The following PCDHGB7 variants were observed in gnomAD, a reference collection of about 807,000 sequenced individuals.
PCDHGB7 encodes protocadherin gamma-B7.
In PCDHGB7, 37 loss-of-function variants were observed where a neutral mutation model predicts 61.4. The observed-to-expected ratio is 0.60, with a 90% CI of 0.46 to 0.79. The LOEUF (loss-of-function observed/expected upper bound fraction) is 0.79, where lower values mean the gene tolerates loss of function less well. PCDHGB7 is among the 30% of genes least tolerant of loss of function. PCDHGB7 has a pLI of 0.00. For synonymous variants in PCDHGB7, 464 were observed against 503.5 expected (o/e 0.92, Z 1.05); for missense variants, 1,166 against 1,202.5 (o/e 0.97, Z 0.45).
rs2233605 is a variant in PCDHGB7 at position 141,490,412 on chromosome 5, C to A, written c.2416-4395C>A. ...GGTGAAGTGAGCCTTGATATCTCTC[C>A]GGACCTGCCATTTCAGATTAAGCCT... On this transcript the variant is annotated intron_variant, in intron 1 of 3. Transcript: ENST00000398594. This position sits in a 1 kb window ranked among gnomAD's most constrained non-coding sequence, Gnocchi z 5.4. 1.3e-4 allele frequency: 203 copies of A among 1,614,064 alleles called. 1 individual carries two copies. The highest frequency in any genetic ancestry group is 3.5e-4 in the South Asian group (32 of 91,086).
intron 3 of PCDHGB7, among the ~76,000 whole-genome samples, chr5:141,505,697 C>T (rs540949327): frequency 1.4e-4 from 21 of 152,198 alleles, no homozygotes; most frequent in Admixed American, 7.2e-4. Context: ...TGGAGGAGAG[C>T]GAACAAGGAA....
intron 1 of PCDHGB7, chr5:141,441,387 G>A (rs2098243952): frequency 6.5e-6 from 1 of 153,712 alleles, no homozygotes; most frequent in Non-Finnish European, 1.5e-5. Flanking sequence ...CAGACCCAAG[G>A]TATAACATCA....
intron 1 of PCDHGB7, among the ~76,000 whole-genome samples, chr5:141,460,801 ATATGTATG>A (rs2098998171): frequency 6.6e-6 from 1 of 152,010 alleles, no homozygotes; most frequent in Non-Finnish European, 1.5e-5. Context: ...CAAAGTATAT[ATATGTATG>A]TATACATATA....
At chr5:141,421,633 G>A (rs1369645749) in intron 1 of PCDHGB7, 3 of 1,613,834 alleles carry the variant, frequency 1.9e-6, no homozygotes, top group Non-Finnish European at 2.5e-6. Context: ...CAGCTTCCAG[G>A]AGGACGAAGT....
rs753872678 is a variant in PCDHGB7, at chr5:141,431,407, C to G, written c.2415+11133C>G. 4 of 1,613,716 alleles carry G rather than the reference C, an allele frequency of 2.5e-6. No individual in the cohort carries two copies. Among genetic ancestry groups the G allele is most frequent in the Non-Finnish European group, 3.4e-6 (4 of 1,180,048 alleles). The stretch of plus-strand genomic sequence containing the variant: ...ACCACCTGGTCCTTACGGCCTCCGA[C>G]GGGGGCGACCCGGTGCGCACAGGCA... On this transcript the variant is annotated intron_variant, in intron 1 of 3. Coordinates refer to ENST00000398594, the MANE Select transcript of PCDHGB7 (RefSeq NM_018927.4). This position sits in a 1 kb window ranked among gnomAD's most constrained non-coding sequence, Gnocchi z 4.8.
At position 141,491,267 on chromosome 5, in the gene PCDHGB7, A is replaced by C. The variant is rs1376540913; in HGVS notation, c.2416-3540A>C. ...GATGAGGACCCTGAGGAAATGCCCA[A>C]ATCCAGTGACTTCCTCATACACCCT... On this transcript the variant is annotated intron_variant, in intron 1 of 3. Coordinates refer to ENST00000398594, the MANE Select transcript of PCDHGB7 (RefSeq NM_018927.4). This position sits in a 1 kb window ranked among gnomAD's most constrained non-coding sequence, Gnocchi z 6.9. The C allele has an allele frequency of 2.5e-6, 4 of 1,613,944 alleles. No individual in the cohort carries two copies. The highest frequency in any genetic ancestry group is 3.4e-6 in the Non-Finnish European group (4 of 1,179,936).
chr5:141,494,661 G>A, intron 1 of PCDHGB7, 146 bp from the exon 2 acceptor site: 2 of 1,492,976 alleles, frequency 1.3e-6, no homozygotes, highest in Non-Finnish European at 1.8e-6. Context: ...TTTGTCTTTG[G>A]AGATGAGTCC....
chr5:141,499,725 C>T (rs554409998), intron 2 of PCDHGB7, among the ~76,000 whole-genome samples: 3 of 138,474 alleles, frequency 2.2e-5, no homozygotes, highest in African/African-American at 5.4e-5. Context: ...GACAGAGTCT[C>T]ACTCTCTTGC....
rs768847018 is a variant in PCDHGB7 at position 141,431,426 on chromosome 5, A to C, written c.2415+11152A>C. On this transcript the variant is annotated intron_variant, in intron 1 of 3. Transcript: ENST00000398594. The surrounding 1 kb of genome is among the most constrained non-coding windows in gnomAD (Gnocchi z 4.8). ...CTCCGACGGGGGCGACCCGGTGCGCACAGGCACCGCGCGCATCCGCGTGAT... is the reference window on the plus strand; with the variant it reads ...CTCCGACGGGGGCGACCCGGTGCGCCCAGGCACCGCGCGCATCCGCGTGAT... 6.2e-7 allele frequency: 1 copy of C among 1,613,666 alleles called. No individual in the cohort carries two copies. The highest frequency in any genetic ancestry group is 1.1e-5 in the South Asian group (1 of 91,078).
chr5:141,496,839 A>G (rs2099771783), intron 2 of PCDHGB7, among the ~76,000 whole-genome samples: 1 of 151,484 alleles, frequency 6.6e-6, no homozygotes. Flanking sequence ...CAGAACTCAT[A>G]GGCTTCCAGA....
In PCDHGB7 at chr5:141,432,654, T is replaced by C. The variant is rs2097525297; in HGVS notation, c.2415+12380T>C. ...GGCGAGGTGCGCACGGCGCGAGCCC[T>C]GCTGGACAGAGACGCGCTCAAGCAG... is the stretch of plus-strand genomic sequence containing the variant. On this transcript the variant is annotated intron_variant, in intron 1 of 3. Transcript: ENST00000398594. This position sits in a 1 kb window ranked among gnomAD's most constrained non-coding sequence, Gnocchi z 6.0. The C allele has an allele frequency of 1.2e-6, 2 of 1,613,816 alleles. No homozygotes were observed. Among genetic ancestry groups the C allele is most frequent in the African/African-American group, 1.3e-5 (1 of 75,034 alleles).
rs1235728365 is a variant in PCDHGB7 at position 141,485,502 on chromosome 5, C to T, written c.2416-9305C>T. ...TGCATCGTGCCCCTGGAGTTTGTCACCGAAGGTCCTTTGGAAATGTACCGA... is the reference window on the plus strand; with the variant it reads ...TGCATCGTGCCCCTGGAGTTTGTCATCGAAGGTCCTTTGGAAATGTACCGA... On this transcript the variant is annotated intron_variant, in intron 1 of 3. Transcript: ENST00000398594. This position sits in a 1 kb window ranked among gnomAD's most constrained non-coding sequence, Gnocchi z 5.7. 2 of 1,614,114 alleles carry T rather than the reference C, an allele frequency of 1.2e-6. No homozygotes were observed. Among genetic ancestry groups the T allele is most frequent in the Non-Finnish European group, 8.5e-7 (1 of 1,180,044 alleles).
At chr5:141,452,281 T>G (rs948141174) in intron 1 of PCDHGB7, among the ~76,000 whole-genome samples, 2 of 152,232 alleles carry the variant, frequency 1.3e-5, no homozygotes, top group Non-Finnish European at 2.9e-5. Flanking sequence ...CCTTTCTTAC[T>G]TTCTGATATA....
At chr5:141,456,057 C>T (rs2098842079) in intron 1 of PCDHGB7, among the ~76,000 whole-genome samples, 1 of 151,914 alleles carries the variant, frequency 6.6e-6, no homozygotes, top group South Asian at 2.1e-4. Context: ...ACCACCACGT[C>T]CGGCTAATTT....
Position 141,485,633 on chromosome 5 carries a change from T to C in PCDHGB7, c.2416-9174T>C. 2 of 1,611,808 alleles carry C rather than the reference T, an allele frequency of 1.2e-6. No homozygotes were observed. Among genetic ancestry groups the C allele is most frequent in the South Asian group, 1.1e-5 (1 of 90,962 alleles). On this transcript the variant is annotated intron_variant, in intron 1 of 3. Coordinates refer to ENST00000398594, the MANE Select transcript of PCDHGB7 (RefSeq NM_018927.4). The surrounding 1 kb of genome is among the most constrained non-coding windows in gnomAD (Gnocchi z 5.7). Reference sequence around the variant, plus strand: ...AGCTCCTCCAGGACAGCGTTTCCCGTTGGAAAAGGCTCAGGATGCAGATGT... The same window carrying C: ...AGCTCCTCCAGGACAGCGTTTCCCGCTGGAAAAGGCTCAGGATGCAGATGT...
Position 141,485,713 on chromosome 5 carries a change from G to T in PCDHGB7, c.2416-9094G>T. On this transcript the variant is annotated intron_variant, in intron 1 of 3. Transcript: ENST00000398594. The surrounding 1 kb of genome is among the most constrained non-coding windows in gnomAD (Gnocchi z 5.7). ...TGAGCTCCAATGAACACTTTGCACT[G>T]GATGTGAAGAAGCGCAGCGACGGCA... 1 of 1,614,202 alleles carries T rather than the reference G, an allele frequency of 6.2e-7. No individual in the cohort carries two copies. The highest frequency in any genetic ancestry group is 8.5e-7 in the Non-Finnish European group (1 of 1,180,038).
rs561329093 is a variant in PCDHGB7 at position 141,509,163 on chromosome 5, C to A, written c.2564-1784C>A. Among the ~76,000 whole-genome samples the A allele has an allele frequency of 1.4e-4, 21 of 152,322 alleles. No individual in the cohort carries two copies. In the South Asian group the frequency reaches 4.1e-3, roughly 30 times the overall value. On this transcript the variant is annotated intron_variant, in intron 3 of 3. Coordinates refer to ENST00000398594, the MANE Select transcript of PCDHGB7 (RefSeq NM_018927.4). ...CATCCCGGCTCTCCCCTCCCGTGTG[C>A]CCTCCTCCTCTTATGCCGGCTTGAA...
At chr5:141,467,924 G>A (rs2099154404) in intron 1 of PCDHGB7, among the ~76,000 whole-genome samples, 1 of 152,042 alleles carries the variant, frequency 6.6e-6, no homozygotes, top group Non-Finnish European at 1.5e-5. Context: ...CTCCCAAAAT[G>A]CTAGGATTAC....
At chr5:141,425,047 A>G (rs1590618154) in intron 1 of PCDHGB7, among the ~76,000 whole-genome samples, 1 of 152,198 alleles carries the variant, frequency 6.6e-6, no homozygotes, top group Non-Finnish European at 1.5e-5. Context: ...TAAACTGACT[A>G]TCTAGGGCTC....
Sources: gnomAD v4.1 joint callset for allele counts (sites outside exome capture counted in the v4.1 genomes callset) on GRCh38, gnomAD v4.1.1 for gene constraint, Gnocchi (gnomAD v3.1) non-coding constraint, MANE v1.5 for transcripts, NCBI Gene and HGNC (gene_info 2026-07-23, HGNC 2026-07-21) for gene names.